CA10: variants seen among roughly 807,000 people sequenced by gnomAD.
CA10 encodes carbonic anhydrase-related protein 10.
In CA10, 14 loss-of-function variants were observed where a neutral mutation model predicts 44.2. The observed-to-expected ratio is 0.32, with a 90% confidence interval of 0.21 to 0.50. CA10 has a LOEUF of 0.50. Ranked by LOEUF, CA10 falls within the 20% of genes least tolerant of loss-of-function variation. The pLI is 0.99. For missense variants in CA10, 350 were observed against 409.7 expected (o/e 0.85, Z 1.26); for synonymous variants, 159 against 141.6 (o/e 1.12, Z -0.87).
chr17:52,127,489 T>C (rs1301994867), intron 1 of CA10, among the ~76,000 whole-genome samples: 1 of 152,142 alleles, frequency 6.6e-6, no homozygotes, highest in Non-Finnish European at 1.5e-5. Context: ...CTTTCCTCCA[T>C]TTAAATTTAA....
intron 3 of CA10, among the ~76,000 whole-genome samples, chr17:51,815,975 T>C (rs901095286): frequency 3.9e-5 from 6 of 152,200 alleles, no homozygotes; most frequent in African/African-American, 1.4e-4. Flanking sequence ...ATTAAATTTT[T>C]ATTGACCAAA....
chr17:51,802,565 G>GAAA (rs754344655), intron 3 of CA10, among the ~76,000 whole-genome samples: 219 of 90,120 alleles, frequency 2.4e-3, no homozygotes, highest in African/African-American at 3.3e-3. Flanking sequence ...CCTGATGTCT[G>GAAA]AAAAAAAAAA....
chr17:52,116,290 C>G (rs1988894719), intron 1 of CA10, among the ~76,000 whole-genome samples: 1 of 152,126 alleles, frequency 6.6e-6, no homozygotes, highest in Non-Finnish European at 1.5e-5. Context: ...CCCCAATTCA[C>G]AAGATGCTCT....
At chr17:51,870,796 A>G (rs1979766856) in intron 3 of CA10, among the ~76,000 whole-genome samples, 1 of 152,178 alleles carries the variant, frequency 6.6e-6, no homozygotes, top group Non-Finnish European at 1.5e-5. Context: ...TGTGGGGAAC[A>G]TGTGTATCCC....
intron 3 of CA10, among the ~76,000 whole-genome samples, chr17:51,893,370 G>A (rs1406771309): frequency 6.6e-6 from 1 of 152,140 alleles, no homozygotes; most frequent in African/African-American, 2.4e-5. Context: ...GGGAAGGGAA[G>A]CATTTCTACT....
chr17:51,840,919 A>C (rs1978314066), intron 3 of CA10, among the ~76,000 whole-genome samples: 1 of 152,200 alleles, frequency 6.6e-6, no homozygotes, highest in Non-Finnish European at 1.5e-5. Context: ...TCATTTAAGA[A>C]ACAGAAAGCA....
At chr17:52,074,661 TAC>T (rs1042394125) in intron 1 of CA10, among the ~76,000 whole-genome samples, 12 of 152,208 alleles carry the variant, frequency 7.9e-5, no homozygotes, top group South Asian at 4.1e-4. Flanking sequence ...AAAAAATTTT[TAC>T]AGTGTTTACA....
At chr17:52,003,722 G>C (rs1194568348) in intron 2 of CA10, among the ~76,000 whole-genome samples, 5 of 151,870 alleles carry the variant, frequency 3.3e-5, no homozygotes, top group Non-Finnish European at 7.4e-5. Context: ...ACACAAAAGG[G>C]AAATGGATAC....
chr17:51,792,520 T>C (rs1054917565), intron 3 of CA10, among the ~76,000 whole-genome samples: 1 of 152,220 alleles, frequency 6.6e-6, no homozygotes, highest in African/African-American at 2.4e-5. Flanking sequence ...ACAAAATTAA[T>C]GAATTAAGCT....
chr17:51,670,481 G>A (rs370736272), intron 4 of CA10, among the ~76,000 whole-genome samples: 126 of 151,872 alleles, frequency 8.3e-4, no homozygotes, highest in Non-Finnish European at 1.4e-3. Context: ...GATTGGGTCC[G>A]CATTCCTTTT....
intron 2 of CA10, among the ~76,000 whole-genome samples, chr17:52,006,886 C>T (rs1243257290): frequency 1.3e-5 from 2 of 151,692 alleles, no homozygotes; most frequent in South Asian, 2.1e-4. Flanking sequence ...TTAACTTTAG[C>T]CAGTCGTGCA....
At chr17:51,909,329 T>G (rs1981695420) in intron 3 of CA10, among the ~76,000 whole-genome samples, 1 of 152,166 alleles carries the variant, frequency 6.6e-6, no homozygotes, top group Non-Finnish European at 1.5e-5. Context: ...AGGTCAGGCT[T>G]GCAGAATTAG....
chr17:51,806,953 G>A (rs1907162963), intron 3 of CA10, among the ~76,000 whole-genome samples: 1 of 152,226 alleles, frequency 6.6e-6, no homozygotes, highest in South Asian at 2.1e-4. Context: ...GTTGAAGGAA[G>A]CTAAGGAGCA....
chr17:51,861,789 C>G (rs1367108124), intron 3 of CA10, among the ~76,000 whole-genome samples: 1 of 152,046 alleles, frequency 6.6e-6, no homozygotes, highest in African/African-American at 2.4e-5. Context: ...TGAATACATA[C>G]ACAGAAAATA....
At chr17:51,847,098 A>G (rs1301445317) in intron 3 of CA10, among the ~76,000 whole-genome samples, 1 of 152,188 alleles carries the variant, frequency 6.6e-6, no homozygotes. Flanking sequence ...GGAGCTCAAC[A>G]TAGATTTTCT....
chr17:52,141,678 G>A lies in CA10; in HGVS notation c.61+16048C>T, dbSNP rs988320232. On this transcript the variant is annotated intron_variant, in intron 1 of 8. Transcript: ENST00000451037. ...TGTTTTCTAAGTTGTAAACAAACAGGTTGTGGGCTGGATTTAGTCCACAGG... is the reference window on the plus strand; with the variant it reads ...TGTTTTCTAAGTTGTAAACAAACAGATTGTGGGCTGGATTTAGTCCACAGG... 2.6e-5 allele frequency among the ~76,000 whole-genome samples: 4 copies of A among 152,142 alleles called. No homozygotes were observed. The East Asian group carries it at 7.7e-4, about 29-fold the overall frequency.
chr17:51,963,779 A>G (rs1044266981), intron 2 of CA10, among the ~76,000 whole-genome samples: 1 of 152,196 alleles, frequency 6.6e-6, no homozygotes, highest in East Asian at 1.9e-4. Flanking sequence ...ATAAACATGG[A>G]GACAAATTAA....
chr17:51,748,593 T>A, intron 3 of CA10: 2 of 527,690 alleles, frequency 3.8e-6, no homozygotes, highest in Non-Finnish European at 4.9e-6. Context: ...TCTGAAACTC[T>A]ACTTTCTTAC....
At chr17:51,698,619 C>A (rs182069053) in intron 4 of CA10, among the ~76,000 whole-genome samples, 2 of 152,134 alleles carry the variant, frequency 1.3e-5, no homozygotes, top group Non-Finnish European at 2.9e-5. Context: ...ATACACAATA[C>A]GGTATTGTTA....
Sources: allele counts gnomAD v4.1 joint callset (sites outside exome capture counted in the v4.1 genomes callset), GRCh38; gene constraint gnomAD v4.1.1; transcripts MANE v1.5; gene names NCBI Gene and HGNC (gene_info 2026-07-23, HGNC 2026-07-21).